Variants in PCBD2 observed in about 807,000 individuals in gnomAD.
PCBD2 encodes pterin-4-alpha-carbinolamine dehydratase 2.
PCBD2 carries 12 observed loss-of-function variants against 16.4 expected under a neutral mutation model. The ratio of observed to expected loss-of-function variants is 0.73; its 90% CI spans 0.47 to 1.19. The LOEUF is 1.19. PCBD2 is among the 50% of genes most tolerant of loss of function. The pLI is 0.00. For missense variants in PCBD2, 138 were observed against 156.8 expected, an observed-to-expected ratio of 0.88 and a Z score of 0.64; for synonymous variants, 58 against 61.8, an observed-to-expected ratio of 0.94 and a Z score of 0.29.
At chr5:134,942,062 C>T (rs1323738622) in intron 2 of PCBD2, among the ~76,000 whole-genome samples, 5 of 134,852 alleles carry the variant, frequency 3.7e-5, no homozygotes, top group African/African-American at 1.1e-4. Flanking sequence ...ACCCGGGAGG[C>T]GGAGCTTGCA....
At chr5:134,910,613 C>T in intron 2 of PCBD2, 147 bp downstream of exon 2, 1 of 1,072,632 alleles carries the variant, frequency 9.3e-7, no homozygotes, top group Non-Finnish European at 1.3e-6. Context: ...AGAGTGACAT[C>T]CTTGTTGACA....
chr5:134,957,869 C>T lies in PCBD2; in HGVS notation c.217-1171C>T, dbSNP rs555566526. On this transcript the variant is annotated intron_variant, in intron 2 of 3. Coordinates refer to ENST00000254908, the MANE Select transcript of PCBD2 (RefSeq NM_032151.5). Reference sequence around the variant, plus strand: ...TCCTATAGGGAAAACCTTCAGGCCTCAAATGTCAACATGGAAACTTTTATC... The same window carrying T: ...TCCTATAGGGAAAACCTTCAGGCCTTAAATGTCAACATGGAAACTTTTATC... 7.2e-5 allele frequency among the ~76,000 whole-genome samples: 11 copies of T among 152,292 alleles called. 1 individual carries two copies. The South Asian group carries it at 2.3e-3, about 32-fold the overall frequency.
intron 2 of PCBD2, among the ~76,000 whole-genome samples, chr5:134,953,300 T>C (rs1460473663): frequency 6.6e-6 from 1 of 150,830 alleles, no homozygotes; most frequent in African/African-American, 2.4e-5. Context: ...TTTATATTTT[T>C]ATTTTGATTC....
At chr5:134,911,100 A>G (rs1750763828) in intron 2 of PCBD2, among the ~76,000 whole-genome samples, 1 of 152,136 alleles carries the variant, frequency 6.6e-6, no homozygotes, top group African/African-American at 2.4e-5. Context: ...AGCTTTTTAT[A>G]CTTATCAGAA....
chr5:134,925,929 G>A (rs765499825), intron 2 of PCBD2: 10 of 391,460 alleles, frequency 2.6e-5, no homozygotes, highest in South Asian at 2.6e-4. Flanking sequence ...CGATGTCGCC[G>A]ATACGGTTGT....
At chr5:134,924,926 T>G in intron 2 of PCBD2, 1 of 391,054 alleles carries the variant, frequency 2.6e-6, no homozygotes, top group Non-Finnish European at 4.5e-6. Flanking sequence ...GATTTTATTT[T>G]GAGTTTGTTG....
At chr5:134,946,040 TTTTC>T (rs1414002055) in intron 2 of PCBD2, among the ~76,000 whole-genome samples, 1 of 151,638 alleles carries the variant, frequency 6.6e-6, no homozygotes, top group African/African-American at 2.4e-5. Flanking sequence ...GCCCTGGTAT[TTTTC>T]TTTAACAAAT....
At chr5:134,910,694 A>C (rs1002432575) in intron 2 of PCBD2, among the ~76,000 whole-genome samples, 2 of 152,242 alleles carry the variant, frequency 1.3e-5, no homozygotes, top group African/African-American at 4.8e-5. Flanking sequence ...TGGAAAACAA[A>C]TTCTGAAACC....
chr5:134,912,425 T>G (rs1353145905), intron 2 of PCBD2, among the ~76,000 whole-genome samples: 1 of 151,948 alleles, frequency 6.6e-6, no homozygotes, highest in Non-Finnish European at 1.5e-5. Flanking sequence ...TGAGGGAGAG[T>G]GCACACCAAA....
rs75169081 is a variant in PCBD2, at chr5:134,957,236, G to A, written c.217-1804G>A. On this transcript the variant is annotated intron_variant, in intron 2 of 3. Transcript: ENST00000254908. ...ATAATCCCACTGCACTCCAGCCTGG[G>A]CAGCAGAGTGAGACTCTGTCTCAAA... Among the ~76,000 whole-genome samples, 513 of 152,318 alleles carry A rather than the reference G, an allele frequency of 3.4e-3. 8 individuals carry two copies. In the East Asian group the frequency reaches 0.037, roughly 11 times the overall value.
Position 134,905,401 on chromosome 5 carries a change from A to T in PCBD2, c.84+178A>T, listed in dbSNP as rs1750673404. ...ACCACCTGTCCGGTGCGCCGCTCAG[A>T]GACCGGGGTGGCCGCAGCCTCCGCC... is the stretch of plus-strand genomic sequence containing the variant. On this transcript the variant is annotated intron_variant, in intron 1 of 3. Transcript: ENST00000254908. The T allele has an allele frequency of 2.0e-5, 9 of 460,756 alleles. No homozygotes were observed. The East Asian group carries it at 3.4e-4, about 18-fold the overall frequency. 28.5% of individuals were successfully genotyped at this position (460,756 alleles called of 1,614,324 possible). A position where few individuals can be genotyped will look rare whatever the true frequency, so the allele number is the denominator to read the frequency against.
chr5:134,947,052 GT>G (rs1751303457), intron 2 of PCBD2, among the ~76,000 whole-genome samples: 1 of 151,904 alleles, frequency 6.6e-6, no homozygotes, highest in Non-Finnish European at 1.5e-5. Flanking sequence ...AAGAAGAAAA[GT>G]TAGGGAGTAG....
At chr5:134,934,129 A>G (rs1302441120) in intron 2 of PCBD2, among the ~76,000 whole-genome samples, 2 of 152,216 alleles carry the variant, frequency 1.3e-5, no homozygotes, top group Admixed American at 6.5e-5. Flanking sequence ...CCTGAAAGCA[A>G]ACAATTCCAT....
intron 2 of PCBD2, among the ~76,000 whole-genome samples, chr5:134,929,964 G>T (rs1201332752): frequency 1.3e-5 from 2 of 152,164 alleles, no homozygotes; most frequent in Admixed American, 6.5e-5. Context: ...AAAGTATTGG[G>T]ATTACAGGCA....
At chr5:134,906,790 G>A (rs1228036074) in intron 1 of PCBD2, among the ~76,000 whole-genome samples, 2 of 152,114 alleles carry the variant, frequency 1.3e-5, no homozygotes, top group African/African-American at 4.8e-5. Flanking sequence ...GAAGGATCCC[G>A]GAATTCAGAA....
chr5:134,956,146 G>A (rs1561915851), intron 2 of PCBD2, among the ~76,000 whole-genome samples: 1 of 152,150 alleles, frequency 6.6e-6, no homozygotes, highest in Non-Finnish European at 1.5e-5. Context: ...TTTTCCCCGG[G>A]GAAGAATTAA....
chr5:134,946,230 A>G (rs1213436420), intron 2 of PCBD2, among the ~76,000 whole-genome samples: 1 of 152,030 alleles, frequency 6.6e-6, no homozygotes, highest in Non-Finnish European at 1.5e-5. Context: ...AATCCTGAAT[A>G]TATTTGTGGT....
chr5:134,936,025 A>G (rs1314594212), intron 2 of PCBD2, among the ~76,000 whole-genome samples: 1 of 152,224 alleles, frequency 6.6e-6, no homozygotes, highest in African/African-American at 2.4e-5. Flanking sequence ...TGTTGTGGTG[A>G]TAGAAAAAAG....
chr5:134,908,173 C>T (rs1272829186), intron 1 of PCBD2, among the ~76,000 whole-genome samples: 1 of 151,112 alleles, frequency 6.6e-6, no homozygotes, highest in South Asian at 2.1e-4. Context: ...CCTCCCACCT[C>T]AGCTTCCCAA....
Sources: gnomAD v4.1 joint callset for allele counts (sites outside exome capture counted in the v4.1 genomes callset) on GRCh38, gnomAD v4.1.1 for gene constraint, MANE v1.5 for transcripts, NCBI Gene and HGNC (gene_info 2026-07-23, HGNC 2026-07-21) for gene names.